The following SYT1 variants were observed in gnomAD, a reference collection of about 807,000 sequenced individuals.
The protein encoded by SYT1 is synaptotagmin 1, also known as synaptotagmin-1.
SYT1 carries 8 observed loss-of-function variants against 44.8 expected under a neutral mutation model. The ratio of observed to expected loss-of-function variants is 0.18; its 90% CI spans 0.10 to 0.32. SYT1 has a LOEUF of 0.32. SYT1 is among the 10% of genes least tolerant of loss of function. The pLI is 1.00. For missense variants in SYT1, 286 were observed against 509.3 expected (o/e 0.56, Z 4.22); for synonymous variants, 154 against 188.8 (o/e 0.82, Z 1.51).
intron 1 of SYT1, among the ~76,000 whole-genome samples, chr12:78,876,728 T>TTG (rs1447574377): frequency 1.7e-4 from 17 of 102,820 alleles, no homozygotes; most frequent in African/African-American, 4.9e-4. Context: ...TATAATATAA[T>TTG]TATATATTAT....
chr12:79,217,583 C>A lies in SYT1; in HGVS notation c.64C>A (p.Leu22Met). ...APPVTTVATV[L>M]PSNATEPASP... is the part of the protein sequence containing the mutation. ...GCCTGTCACCACTGTCGCGACTGTT[C>A]TGCCAAGCAACGCCACAGAGCCAGC... Residue 22 changes from leucine to methionine, a missense_variant, in exon 4 of 11, where the codon CTG (leucine) becomes ATG (methionine). By Grantham distance (15) the Leu-to-Met change is conservative. Transcript: ENST00000261205. 1 of 1,612,966 alleles carries A rather than the reference C, an allele frequency of 6.2e-7. No individual in the cohort carries two copies. Among genetic ancestry groups the A allele is most frequent in the Non-Finnish European group, 8.5e-7 (1 of 1,179,522 alleles).
At chr12:79,128,603 T>C (rs1174695414) in intron 3 of SYT1, among the ~76,000 whole-genome samples, 1 of 152,202 alleles carries the variant, frequency 6.6e-6, no homozygotes, top group African/African-American at 2.4e-5. Flanking sequence ...ATTTTGTTGA[T>C]ACCCTATTAA....
At chr12:79,340,857 G>A (rs537239828) in intron 8 of SYT1, among the ~76,000 whole-genome samples, 1 of 152,208 alleles carries the variant, frequency 6.6e-6, no homozygotes, top group South Asian at 2.1e-4. Context: ...TTTTGACAAG[G>A]ACACTTTTGG....
chr12:78,889,045 G>A (rs1874901127), intron 1 of SYT1, among the ~76,000 whole-genome samples: 1 of 151,648 alleles, frequency 6.6e-6, no homozygotes. Context: ...TTTTATCTCA[G>A]TTCCTTCAGA....
At chr12:78,876,689 A>G (rs1380480005) in intron 1 of SYT1, among the ~76,000 whole-genome samples, 4 of 123,170 alleles carry the variant, frequency 3.2e-5, no homozygotes, top group Non-Finnish European at 4.9e-5. Flanking sequence ...GTATATATAC[A>G]CACATGTAGT....
chr12:79,237,058 A>C (rs189940930), intron 4 of SYT1, among the ~76,000 whole-genome samples: 2 of 152,328 alleles, frequency 1.3e-5, no homozygotes, highest in Non-Finnish European at 2.9e-5. Flanking sequence ...ACCTGGAAGG[A>C]GAGAAAGGCA....
rs377206838 is a variant in SYT1, at chr12:79,008,246, T to C, written c.-84+30315T>C. 2.0e-3 allele frequency among the ~76,000 whole-genome samples: 311 copies of C among 152,066 alleles called. 14 individuals carry two copies. The South Asian group carries it at 0.062, about 30-fold the overall frequency. ...AGGGCTCCAAGCAGAGGATTCAGCA[T>C]GTGCAAAAGTCCTAAGGCAAGAGTG... On this transcript the variant is annotated intron_variant, in intron 2 of 10. Transcript: ENST00000261205.
At chr12:78,882,794 T>C (rs996972175) in intron 1 of SYT1, among the ~76,000 whole-genome samples, 4 of 151,764 alleles carry the variant, frequency 2.6e-5, no homozygotes, top group African/African-American at 9.7e-5. Flanking sequence ...GCTTTAAATA[T>C]ATATTGCTAA....
At chr12:79,064,971 A>AGAAAGAAAGAAG (rs1555194758) in intron 3 of SYT1, among the ~76,000 whole-genome samples, 38 of 149,230 alleles carry the variant, frequency 2.5e-4, no homozygotes, top group African/African-American at 9.4e-4. Context: ...AAAGAAAGAA[A>AGAAAGAAAGAAG]GAAAGAAAGA....
chr12:78,896,423 C>A (rs1444298028), intron 1 of SYT1, among the ~76,000 whole-genome samples: 1 of 151,472 alleles, frequency 6.6e-6, no homozygotes, highest in Non-Finnish European at 1.5e-5. Context: ...TTCTGTTGAA[C>A]AAATGAGAAA....
chr12:79,280,326 A>T (rs1453323406), intron 4 of SYT1, among the ~76,000 whole-genome samples: 1 of 152,082 alleles, frequency 6.6e-6, no homozygotes, highest in East Asian at 1.9e-4. Context: ...ATGAAACAGA[A>T]TATACCCAGA....
rs184915668 is a variant in SYT1 at position 79,219,594 on chromosome 12, A to G, written c.166+1909A>G. Among the ~76,000 whole-genome samples the G allele has an allele frequency of 8.5e-5, 13 of 152,154 alleles. No homozygotes were observed. In the East Asian group the frequency reaches 1.7e-3, roughly 20 times the overall value. ...CCAGTTTTCCCAACACCATTTACTA[A>G]AGAGGCTGTTCTTTCTCCATTGTGG... On this transcript the variant is annotated intron_variant, in intron 4 of 10. Coordinates refer to ENST00000261205, the MANE Select transcript of SYT1 (RefSeq NM_005639.3).
chr12:79,418,360 C>A (rs1391859096), intron 9 of SYT1, among the ~76,000 whole-genome samples: 1 of 152,054 alleles, frequency 6.6e-6, no homozygotes, highest in Non-Finnish European at 1.5e-5. Context: ...CTCTCAAATT[C>A]GTGGTTTTTC....
chr12:79,413,080 T>C (rs560021105), intron 9 of SYT1, among the ~76,000 whole-genome samples: 24 of 152,298 alleles, frequency 1.6e-4, no homozygotes, highest in African/African-American at 5.8e-4. Context: ...TGAAGATAAG[T>C]CATGTATGCT....
chr12:79,391,566 G>A (rs1337815677), intron 9 of SYT1, among the ~76,000 whole-genome samples: 3 of 152,146 alleles, frequency 2.0e-5, no homozygotes, highest in African/African-American at 4.8e-5. Context: ...TTAGGAAGAT[G>A]GCGAAGAGCT....
intron 9 of SYT1, among the ~76,000 whole-genome samples, chr12:79,429,456 G>A (rs780033509): frequency 2.0e-5 from 3 of 151,936 alleles, no homozygotes; most frequent in Non-Finnish European, 4.4e-5. Context: ...TGATACGCCC[G>A]TCTCGGCCTC....
intron 1 of SYT1, among the ~76,000 whole-genome samples, chr12:78,970,266 A>G (rs1868343168): frequency 1.3e-5 from 2 of 152,218 alleles, no homozygotes; most frequent in South Asian, 4.1e-4. Flanking sequence ...GCCCATTGCA[A>G]ACCTCCAATA....
intron 1 of SYT1, among the ~76,000 whole-genome samples, chr12:78,875,127 T>C (rs1216734776): frequency 6.6e-6 from 1 of 151,678 alleles, no homozygotes; most frequent in Admixed American, 6.6e-5. Context: ...AACCTACATA[T>C]GCTACAGATT....
At chr12:79,235,227 T>C (rs553732852) in intron 4 of SYT1, among the ~76,000 whole-genome samples, 55 of 152,358 alleles carry the variant, frequency 3.6e-4, no homozygotes, top group African/African-American at 1.3e-3. Context: ...AGGTGATATA[T>C]GAGAGTTCTA....
Sources: gnomAD v4.1 joint callset for allele counts (sites outside exome capture counted in the v4.1 genomes callset) on GRCh38, gnomAD v4.1.1 for gene constraint, MANE v1.5 for transcripts, NCBI Gene and HGNC (gene_info 2026-07-23, HGNC 2026-07-21) for gene names.